CELSR1: variants seen among roughly 807,000 people sequenced by gnomAD.
The protein encoded by CELSR1 is cadherin EGF LAG seven-pass G-type receptor 1.
CELSR1 carries 110 observed loss-of-function variants against 249.1 expected under a neutral mutation model. The observed-to-expected ratio is 0.44, with a 90% confidence interval of 0.38 to 0.52. The LOEUF is 0.52. Ranked by LOEUF, CELSR1 falls within the 20% of genes least tolerant of loss-of-function variation. CELSR1 has a pLI of 0.00. For missense variants in CELSR1, 4,109 were observed against 4,296.4 expected, an observed-to-expected ratio of 0.96 and a Z score of 1.22; for synonymous variants, 2,113 against 1,900.0, an observed-to-expected ratio of 1.11 and a Z score of -2.92.
In CELSR1 at chr22:46,472,158, C is replaced by T. The variant is rs1235728368; in HGVS notation, c.3545-7813G>A. ...TTGTGGCTGAGACATGGGAAGGAGACAGAGCAGACGGCAGAGCGCGAGGCT... is the reference window on the plus strand; with the variant it reads ...TTGTGGCTGAGACATGGGAAGGAGATAGAGCAGACGGCAGAGCGCGAGGCT... On this transcript the variant is annotated intron_variant, in intron 1 of 34. Coordinates refer to ENST00000674500, the MANE Select transcript of CELSR1 (RefSeq NM_001378328.1). The surrounding 1 kb of genome is among the most constrained non-coding windows in gnomAD (Gnocchi z 7.0). 6.6e-6 allele frequency among the ~76,000 whole-genome samples: 1 copy of T among 152,196 alleles called. No homozygotes were observed. Among genetic ancestry groups the T allele is most frequent in the Non-Finnish European group, 1.5e-5 (1 of 68,044 alleles).
At chr22:46,457,528 C>A (rs1010634084) in intron 2 of CELSR1, among the ~76,000 whole-genome samples, 1 of 152,192 alleles carries the variant, frequency 6.6e-6, no homozygotes, top group Non-Finnish European at 1.5e-5. Flanking sequence ...CCAAGATGTT[C>A]AGCCTTGCAG....
intron 22 of CELSR1, among the ~76,000 whole-genome samples, chr22:46,379,374 A>C (rs200529401): frequency 7.3e-6 from 1 of 137,070 alleles, no homozygotes; most frequent in Non-Finnish European, 1.5e-5. Flanking sequence ...TCAGATCCTT[A>C]CTTTGCTAAT....
chr22:46,479,985 G>A (rs1379118507), intron 1 of CELSR1, among the ~76,000 whole-genome samples: 10 of 152,092 alleles, frequency 6.6e-5, no homozygotes, highest in Non-Finnish European at 1.5e-5. Flanking sequence ...GCAATGCTCG[G>A]TTTAGGTCTT....
Position 46,373,064 on chromosome 22 carries a change from A to G in CELSR1, c.7585-7T>C. The G allele has an allele frequency of 1.9e-6, 3 of 1,589,488 alleles. No homozygotes were observed. Among genetic ancestry groups the G allele is most frequent in the Non-Finnish European group, 2.6e-6 (3 of 1,165,562 alleles). On this transcript the variant is annotated splice_region_variant and splice_polypyrimidine_tract_variant and intron_variant, in intron 24 of 34. Coordinates refer to ENST00000674500, the MANE Select transcript of CELSR1 (RefSeq NM_001378328.1). ...CAACCACTGTGCACAGAAACTGCGC[A>G]GGGAGGGGCCGCTCAGCAAGGGCCC...
intron 1 of CELSR1, among the ~76,000 whole-genome samples, chr22:46,480,531 T>G (rs1452828939): frequency 1.3e-5 from 2 of 152,182 alleles, no homozygotes; most frequent in African/African-American, 4.8e-5. Context: ...ACAGAAAACA[T>G]TTTTTCCCTT....
rs1004166177 is a variant in CELSR1, at chr22:46,367,847, A to G, written c.7961T>C (p.Leu2654Pro). 1 of 1,610,216 alleles carries G rather than the reference A, an allele frequency of 6.2e-7. No individual in the cohort carries two copies. Among genetic ancestry groups the G allele is most frequent in the African/African-American group, 1.3e-5 (1 of 74,898 alleles). ...YYGKKGIVSL[L>P]RTAFLLLLLI... is the part of the protein sequence containing the mutation. ...CAGCAGCAGGAGGAATGCGGTCCTC[A>G]GCAGGGAGCTGCGGGAGGGCAGGAT... is the stretch of plus-strand genomic sequence containing the variant. Residue 2654 changes from leucine (L) to proline (P), a missense_variant, in exon 28 of 35, where the codon CTG becomes CCG. Physicochemically the swap from Leu to Pro is moderately conservative, Grantham distance 98. Coordinates refer to ENST00000674500, the MANE Select transcript of CELSR1 (RefSeq NM_001378328.1).
chr22:46,522,817 C>G (rs1010294431), intron 1 of CELSR1, among the ~76,000 whole-genome samples: 5 of 152,198 alleles, frequency 3.3e-5, no homozygotes, highest in Non-Finnish European at 7.3e-5. Flanking sequence ...GCCAGGCAGA[C>G]CCAGCGTCAG....
Position 46,464,191 on chromosome 22 carries a change from G to C in CELSR1, c.3699C>G (p.Ala1233=), listed in dbSNP as rs3747251. 0.05 allele frequency: 79,975 copies of C among 1,613,538 alleles called. 8,458 individuals are homozygous for C. The highest frequency in any genetic ancestry group is 0.43 in the African/African-American group (32,049 of 74,970). The change falls in exon 2 of 35, where the codon GCC becomes GCG. Residue 1233 remains alanine (A), a synonymous_variant. Transcript: ENST00000674500. This position sits in a 1 kb window ranked among gnomAD's most constrained non-coding sequence, Gnocchi z 8.5. ...CGTCGTCCTTGGTGGTGGACAGCAC[G>C]GCGGCCACCCCCTCCACGAAGAGGG... is the stretch of plus-strand genomic sequence containing the variant. ...LLALFVEGVA[A]VLSTTKDDVF...
intron 25 of CELSR1, among the ~76,000 whole-genome samples, chr22:46,372,298 C>T (rs1422245348): frequency 2.1e-5 from 3 of 144,544 alleles, no homozygotes; most frequent in East Asian, 2.2e-4. Context: ...TCCATCCACT[C>T]GCTCCCCACC....
chr22:46,469,706 G>A (rs539866249), intron 1 of CELSR1, among the ~76,000 whole-genome samples: 7 of 151,352 alleles, frequency 4.6e-5, no homozygotes, highest in Non-Finnish European at 1.5e-5. Flanking sequence ...AGTAGACGAG[G>A]TTTCACCACG....
In CELSR1 at chr22:46,365,534, G is replaced by A. The variant is rs567507556; in HGVS notation, c.8404+52C>T. 5.8e-5 allele frequency: 89 copies of A among 1,546,072 alleles called. No individual in the cohort carries two copies. In the East Asian group the frequency reaches 1.1e-3, roughly 19 times the overall value. ...AGGGGCAGTCTGTCCAGTGACCGAAGGGACGTGGGAAAAACAACCCACGGG... is the reference window on the plus strand; with the variant it reads ...AGGGGCAGTCTGTCCAGTGACCGAAAGGACGTGGGAAAAACAACCCACGGG... On this transcript the variant is annotated intron_variant, in intron 31 of 34. Transcript: ENST00000674500.
chr22:46,460,771 C>T (rs532169118), intron 2 of CELSR1, among the ~76,000 whole-genome samples: 3 of 152,274 alleles, frequency 2.0e-5, no homozygotes, highest in South Asian at 2.1e-4. Context: ...GTCCCAACGC[C>T]GTGAGCGGGT....
At chr22:46,455,825 G>A (rs927842836) in intron 2 of CELSR1, among the ~76,000 whole-genome samples, 8 of 152,178 alleles carry the variant, frequency 5.3e-5, no homozygotes, top group African/African-American at 1.9e-4. Flanking sequence ...GGAGATATCT[G>A]GCTACATTGA....
In CELSR1 at chr22:46,441,139, C is replaced by T. The variant is rs558094413; in HGVS notation, c.4184-1728G>A. On this transcript the variant is annotated intron_variant, in intron 2 of 34. Coordinates refer to ENST00000674500, the MANE Select transcript of CELSR1 (RefSeq NM_001378328.1). This position sits in a 1 kb window ranked among gnomAD's most constrained non-coding sequence, Gnocchi z 6.1. Reference sequence around the variant, plus strand: ...CCGCACTCCAGCCTAGGTGCCAGAGCGAGACTTCATTTCAAAAAAAAAAAA... The same window carrying T: ...CCGCACTCCAGCCTAGGTGCCAGAGTGAGACTTCATTTCAAAAAAAAAAAA... Among the ~76,000 whole-genome samples, 3 of 142,890 alleles carry T rather than the reference C, an allele frequency of 2.1e-5. No homozygotes were observed. The highest frequency in any genetic ancestry group is 7.3e-5 in the Admixed American group (1 of 13,634). 93.7% of individuals were successfully genotyped at this position (142,890 alleles called of 152,430 possible).
At chr22:46,530,696 G>T (rs1201360840) in intron 1 of CELSR1, among the ~76,000 whole-genome samples, 2 of 152,158 alleles carry the variant, frequency 1.3e-5, no homozygotes, top group African/African-American at 4.8e-5. Context: ...TCCTTGGTGG[G>T]CTACATAAAA....
chr22:46,376,726 G>A (rs1334739308), intron 24 of CELSR1, among the ~76,000 whole-genome samples: 1 of 151,270 alleles, frequency 6.6e-6, no homozygotes, highest in Non-Finnish European at 1.5e-5. Context: ...AGAATCACTT[G>A]AACCTGGGAG....
chr22:46,427,909 T>C lies in CELSR1; in HGVS notation c.4611+5484A>G, dbSNP rs2079553505. Among the ~76,000 whole-genome samples the C allele has an allele frequency of 6.6e-6, 1 of 152,012 alleles. No homozygotes were observed. The highest frequency in any genetic ancestry group is 2.4e-5 in the African/African-American group (1 of 41,362). ...GTCTGGGTGGAAGTCCTCGAGTTTT[T>C]AGAACATGTGCAGAAACGGAGAAGC... On this transcript the variant is annotated intron_variant, in intron 5 of 34. Transcript: ENST00000674500. The surrounding 1 kb of genome is among the most constrained non-coding windows in gnomAD (Gnocchi z 4.2).
At chr22:46,524,843 G>C (rs995339557) in intron 1 of CELSR1, among the ~76,000 whole-genome samples, 1 of 152,172 alleles carries the variant, frequency 6.6e-6, no homozygotes, top group Admixed American at 6.5e-5. Flanking sequence ...GGGAGGAAAC[G>C]AAAACGGCTC....
At chr22:46,416,103 A>AGGG (rs1569147642) in intron 5 of CELSR1, among the ~76,000 whole-genome samples, 1 of 120,192 alleles carries the variant, frequency 8.3e-6, no homozygotes, top group African/African-American at 3.2e-5. Context: ...TACAGGTTGC[A>AGGG]GAGGGGGGCG....
Sources: gnomAD v4.1 joint callset for allele counts (sites outside exome capture counted in the v4.1 genomes callset) on GRCh38, gnomAD v4.1.1 for gene constraint, Gnocchi (gnomAD v3.1) non-coding constraint, MANE v1.5 for transcripts, NCBI Gene and HGNC (gene_info 2026-07-23, HGNC 2026-07-21) for gene names.